Variants in BCAS3 observed in about 807,000 individuals in gnomAD.
The protein encoded by BCAS3 is BCAS3 microtubule associated cell migration factor.
Under a neutral mutation model 116.1 loss-of-function variants are expected in BCAS3, and 53 were observed. The ratio of observed to expected loss-of-function variants is 0.46; its 90% confidence interval spans 0.37 to 0.57. The LOEUF (loss-of-function observed/expected upper bound fraction) is 0.57. Ranked by LOEUF, BCAS3 falls within the 20% of genes least tolerant of loss-of-function variation. BCAS3 has a pLI of 0.00. For synonymous variants in BCAS3, 391 were observed against 408.2 expected, an observed-to-expected ratio of 0.96 and a Z score of 0.51; for missense variants, 917 against 1,165.4, an observed-to-expected ratio of 0.79 and a Z score of 3.10.
chr17:61,088,617 G>T lies in BCAS3; in HGVS notation c.2425+4053G>T, dbSNP rs1324506784. On this transcript the variant is annotated intron_variant, in intron 22 of 23. Coordinates refer to ENST00000407086, the MANE Select transcript of BCAS3 (RefSeq NM_017679.5). This position sits in a 1 kb window ranked among gnomAD's most constrained non-coding sequence, Gnocchi z 4.2. Reference sequence around the variant, plus strand: ...GTTTTCCAGATTGCTGACTATTCTTGTTCCAAAACTTGAAGGCTATACCTA... The same window carrying T: ...GTTTTCCAGATTGCTGACTATTCTTTTTCCAAAACTTGAAGGCTATACCTA... Among the ~76,000 whole-genome samples the T allele has an allele frequency of 6.6e-6, 1 of 152,192 alleles. No individual in the cohort carries two copies. The highest frequency in any genetic ancestry group is 1.5e-5 in the Non-Finnish European group (1 of 68,030).
intron 22 of BCAS3, among the ~76,000 whole-genome samples, chr17:61,342,558 G>C (rs774370666): frequency 2.0e-5 from 3 of 152,138 alleles, no homozygotes; most frequent in African/African-American, 7.2e-5. Flanking sequence ...CTCCTTCCTC[G>C]CTGGGGCAGA....
chr17:61,040,710 T>C (rs1314654792), intron 18 of BCAS3, 82 bp from the exon 19 acceptor site: 9 of 1,109,310 alleles, frequency 8.1e-6, no homozygotes, highest in African/African-American at 3.1e-5. Flanking sequence ...TTTAAGTCAC[T>C]GTTCATAAGT....
At chr17:60,923,221 A>G (rs1332829239) in intron 12 of BCAS3, among the ~76,000 whole-genome samples, 2 of 152,228 alleles carry the variant, frequency 1.3e-5, no homozygotes, top group Non-Finnish European at 2.9e-5. Context: ...AATAAGGCAT[A>G]AAGATCTGAC....
At chr17:60,907,628 C>T (rs1359137989) in intron 11 of BCAS3, among the ~76,000 whole-genome samples, 2 of 152,170 alleles carry the variant, frequency 1.3e-5, no homozygotes, top group African/African-American at 4.8e-5. Flanking sequence ...CTTACAGCTA[C>T]AGTTTAGTTC....
At chr17:60,795,057 C>T (rs995597884) in intron 6 of BCAS3, among the ~76,000 whole-genome samples, 11 of 152,092 alleles carry the variant, frequency 7.2e-5, no homozygotes, top group South Asian at 4.1e-4. Flanking sequence ...GATATGTCTC[C>T]ATTTGTTTTT....
Position 61,041,024 on chromosome 17 carries a change from A to G in BCAS3, c.2029+132A>G, listed in dbSNP as rs1000312971. ...CTTAAAGAATCAGTTTGAGGCAAATAAGATATTTAATATGAATATAAACTG... is the reference window on the plus strand; with the variant it reads ...CTTAAAGAATCAGTTTGAGGCAAATGAGATATTTAATATGAATATAAACTG... On this transcript the variant is annotated intron_variant, in intron 19 of 23. Coordinates refer to ENST00000407086, the MANE Select transcript of BCAS3 (RefSeq NM_017679.5). The surrounding 1 kb of genome is among the most constrained non-coding windows in gnomAD (Gnocchi z 4.7). The G allele has an allele frequency of 3.0e-6, 2 of 665,832 alleles. No individual in the cohort carries two copies. The highest frequency in any genetic ancestry group is 3.6e-5 in the African/African-American group (2 of 55,122). 41.2% of individuals were successfully genotyped at this position (665,832 alleles called of 1,614,324 possible).
intron 7 of BCAS3, 89 bp downstream of exon 7, chr17:60,808,165 AC>A: frequency 3.4e-6 from 3 of 879,032 alleles, no homozygotes; most frequent in Non-Finnish European, 5.4e-6. Context: ...AACCTTTGTA[AC>A]CATAAGACTA....
chr17:60,855,666 T>C (rs2053614784), intron 7 of BCAS3, among the ~76,000 whole-genome samples: 2 of 151,970 alleles, frequency 1.3e-5, no homozygotes, highest in South Asian at 4.2e-4. Flanking sequence ...TAGTGGTATC[T>C]CATAGTGATT....
In BCAS3 at chr17:61,078,326, A is replaced by C; in HGVS notation, c.2131-7A>C. The C allele has an allele frequency of 1.2e-6, 2 of 1,609,240 alleles. No individual in the cohort carries two copies. The highest frequency in any genetic ancestry group is 1.7e-6 in the Non-Finnish European group (2 of 1,177,228). On this transcript the variant is annotated splice_polypyrimidine_tract_variant and splice_region_variant and intron_variant, in intron 20 of 23. Transcript: ENST00000407086. ...CCATTTAAATCATCATTGCTACTCC[A>C]TTCCAGGTTGAAATTGTAACACACA...
chr17:60,824,139 TC>T (rs1441487561), intron 7 of BCAS3, among the ~76,000 whole-genome samples: 1 of 152,216 alleles, frequency 6.6e-6, no homozygotes, highest in Non-Finnish European at 1.5e-5. Context: ...TTACAGTTTT[TC>T]CCGTTAAAAG....
At chr17:61,255,123 A>G (rs971460315) in intron 22 of BCAS3, among the ~76,000 whole-genome samples, 12 of 152,182 alleles carry the variant, frequency 7.9e-5, no homozygotes, top group Admixed American at 7.2e-4. Flanking sequence ...GGAGAGCACA[A>G]TGACTTATTG....
intron 22 of BCAS3, among the ~76,000 whole-genome samples, chr17:61,102,463 T>A (rs1230139410): frequency 1.3e-5 from 2 of 152,174 alleles, no homozygotes; most frequent in Non-Finnish European, 2.9e-5. Flanking sequence ...CAAAATATTA[T>A]GAGGTAAAAG....
chr17:61,071,150 T>C (rs1486868746), intron 19 of BCAS3, among the ~76,000 whole-genome samples: 2 of 152,132 alleles, frequency 1.3e-5, no homozygotes, highest in Non-Finnish European at 2.9e-5. Context: ...GGATAACAAG[T>C]GGACAAAAAA....
At chr17:60,715,182 G>A (rs2038433883) in intron 5 of BCAS3, among the ~76,000 whole-genome samples, 1 of 137,948 alleles carries the variant, frequency 7.2e-6, no homozygotes, top group Admixed American at 8.0e-5. Context: ...GGCTCAGACT[G>A]GAGTGCAGTG....
At position 60,946,154 on chromosome 17, in the gene BCAS3, C is replaced by T. The variant is rs115355178; in HGVS notation, c.1088-1065C>T. ...GGCCTACACAAATAGCCAATTGATC[C>T]TTGGCAAGTTGACAATGTTACTTCA... On this transcript the variant is annotated intron_variant, in intron 13 of 23. Coordinates refer to ENST00000407086, the MANE Select transcript of BCAS3 (RefSeq NM_017679.5). Among the ~76,000 whole-genome samples, 1,367 of 152,216 alleles carry T rather than the reference C, an allele frequency of 9.0e-3. 26 individuals are homozygous for T. Among genetic ancestry groups the T allele is most frequent in the African/African-American group, 0.032 (1,309 of 41,542 alleles).
At chr17:60,976,020 C>CTTTTT (rs755966067) in intron 14 of BCAS3, among the ~76,000 whole-genome samples, 3,782 of 98,240 alleles carry the variant, frequency 0.038, 855 homozygotes, top group African/African-American at 0.068. Flanking sequence ...TAGATTTTTG[C>CTTTTT]TTTTTTTTTT....
intron 22 of BCAS3, among the ~76,000 whole-genome samples, chr17:61,242,241 A>G (rs1439053966): frequency 6.8e-6 from 1 of 147,856 alleles, no homozygotes; most frequent in Non-Finnish European, 1.5e-5. Flanking sequence ...GCACCATTGC[A>G]CTCCATCCTG....
chr17:61,038,553 A>G (rs2067230379), intron 18 of BCAS3, among the ~76,000 whole-genome samples: 1 of 151,718 alleles, frequency 6.6e-6, no homozygotes. Flanking sequence ...GTGCTGGCCC[A>G]GTTTCTAGAA....
intron 4 of BCAS3, among the ~76,000 whole-genome samples, chr17:60,698,870 AC>A (rs1252326805): frequency 2.0e-5 from 3 of 152,208 alleles, no homozygotes; most frequent in African/African-American, 7.2e-5. Context: ...AGCCTGGCCA[AC>A]ATGGTGAAAC....
Sources: gnomAD v4.1 joint callset for allele counts (sites outside exome capture counted in the v4.1 genomes callset) on GRCh38, gnomAD v4.1.1 for gene constraint, Gnocchi (gnomAD v3.1) non-coding constraint, MANE v1.5 for transcripts, NCBI Gene and HGNC (gene_info 2026-07-23, HGNC 2026-07-21) for gene names.